Variants in ATRNL1 observed in about 807,000 individuals in gnomAD.
ATRNL1 encodes attractin like 1.
Under a neutral mutation model 182.7 loss-of-function variants are expected in ATRNL1, and 95 were observed. The ratio of observed to expected loss-of-function variants is 0.52; its 90% CI spans 0.44 to 0.62. The LOEUF is 0.62. Ranked by LOEUF, ATRNL1 falls within the 20% of genes least tolerant of loss-of-function variation. ATRNL1 has a pLI of 0.00. For synonymous variants in ATRNL1, 576 were observed against 568.3 expected (o/e 1.01, Z -0.19); for missense variants, 1,471 against 1,679.5 (o/e 0.88, Z 2.17).
chr10:115,331,243 G>T (rs1592464983), intron 18 of ATRNL1, among the ~76,000 whole-genome samples: 1 of 152,064 alleles, frequency 6.6e-6, no homozygotes, highest in African/African-American at 2.4e-5. Flanking sequence ...TGTATTTTTA[G>T]TAGAGATGGG....
chr10:115,093,906 G>T lies in ATRNL1; in HGVS notation c.156G>T (p.Ala52=). 1 of 1,597,748 alleles carries T rather than the reference G, an allele frequency of 6.3e-7. No homozygotes were observed. Among genetic ancestry groups the T allele is most frequent in the South Asian group, 1.1e-5 (1 of 88,856 alleles). ...TGTGCTATGGCTTCCTCTACCTGGC[G>T]CTCTACGCGCAGGTGTCCCAGTCCA... ...WLLCYGFLYL[A]LYAQVSQSKP... The change falls in exon 1 of 29, where the codon GCG becomes GCT. Residue 52 remains alanine, a synonymous_variant. Coordinates refer to ENST00000355044, the MANE Select transcript of ATRNL1 (RefSeq NM_207303.4). The surrounding 1 kb of genome is among the most constrained non-coding windows in gnomAD (Gnocchi z 6.1).
chr10:115,170,333 A>G (rs1434484880), intron 7 of ATRNL1, among the ~76,000 whole-genome samples: 2 of 152,180 alleles, frequency 1.3e-5, no homozygotes, highest in Non-Finnish European at 2.9e-5. Context: ...ATGATAATTT[A>G]CATCATTTAT....
At chr10:115,864,250 G>C (rs1435623736) in intron 28 of ATRNL1, among the ~76,000 whole-genome samples, 2 of 149,668 alleles carry the variant, frequency 1.3e-5, no homozygotes, top group Admixed American at 6.7e-5. Flanking sequence ...CTGGGTAACA[G>C]AGTGAGACCC....
intron 26 of ATRNL1, among the ~76,000 whole-genome samples, chr10:115,686,101 A>G (rs1307393063): frequency 6.6e-6 from 1 of 151,824 alleles, no homozygotes; most frequent in African/African-American, 2.4e-5. Flanking sequence ...TTATCCAATA[A>G]TTGAATAATA....
At chr10:115,565,756 A>G (rs1002953781) in intron 26 of ATRNL1, among the ~76,000 whole-genome samples, 2 of 152,090 alleles carry the variant, frequency 1.3e-5, no homozygotes, top group African/African-American at 4.8e-5. Flanking sequence ...GTCGTTATAT[A>G]TTTTGCAAAT....
intron 28 of ATRNL1, among the ~76,000 whole-genome samples, chr10:115,897,343 G>A (rs1243537483): frequency 6.6e-6 from 1 of 152,036 alleles, no homozygotes; most frequent in Non-Finnish European, 1.5e-5. Context: ...GAGGGAGTGG[G>A]GCAATTTTTA....
intron 27 of ATRNL1, among the ~76,000 whole-genome samples, chr10:115,737,203 A>G (rs1947977818): frequency 1.3e-5 from 2 of 151,136 alleles, no homozygotes; most frequent in Non-Finnish European, 1.5e-5. Flanking sequence ...AGGCAGGAGG[A>G]TTCCTTAAGC....
intron 20 of ATRNL1, among the ~76,000 whole-genome samples, chr10:115,413,534 G>A (rs1362530383): frequency 6.6e-6 from 1 of 151,776 alleles, no homozygotes. Flanking sequence ...ATTTATTATT[G>A]GAATGGACTC....
intron 27 of ATRNL1, among the ~76,000 whole-genome samples, chr10:115,832,663 C>T (rs974156579): frequency 6.6e-6 from 1 of 152,214 alleles, no homozygotes; most frequent in Non-Finnish European, 1.5e-5. Context: ...TCTCCTTGCA[C>T]AGGCAAAGGA....
intron 9 of ATRNL1, among the ~76,000 whole-genome samples, chr10:115,225,038 C>A (rs1427300748): frequency 6.6e-6 from 1 of 151,892 alleles, no homozygotes; most frequent in Non-Finnish European, 1.5e-5. Context: ...GCCAGCATAA[C>A]CTTGATATAA....
At chr10:115,768,178 TAACCTC>T (rs1948902733) in intron 27 of ATRNL1, among the ~76,000 whole-genome samples, 1 of 152,190 alleles carries the variant, frequency 6.6e-6, no homozygotes, top group South Asian at 2.1e-4. Flanking sequence ...CTGAATCTCT[TAACCTC>T]ATGTTTCTTT....
chr10:115,755,529 A>C (rs3095132), intron 27 of ATRNL1, among the ~76,000 whole-genome samples: 144,553 of 152,184 alleles, frequency 0.95, 69,080 homozygotes, highest in East Asian at 1. Flanking sequence ...CAACTTGATC[A>C]TGGTGGATAA....
At chr10:115,176,819 A>G (rs1167499740) in intron 8 of ATRNL1, among the ~76,000 whole-genome samples, 2 of 152,088 alleles carry the variant, frequency 1.3e-5, no homozygotes, top group African/African-American at 2.4e-5. Flanking sequence ...AAAAATTTAT[A>G]TTCTTTTTCT....
chr10:115,537,332 A>G (rs1177080901), intron 25 of ATRNL1, among the ~76,000 whole-genome samples: 1 of 152,122 alleles, frequency 6.6e-6, no homozygotes, highest in East Asian at 1.9e-4. Context: ...TTACACCTCA[A>G]ACTTAACATG....
At chr10:115,934,909 G>A (rs1350217162) in intron 28 of ATRNL1, among the ~76,000 whole-genome samples, 1 of 152,074 alleles carries the variant, frequency 6.6e-6, no homozygotes, top group African/African-American at 2.4e-5. Flanking sequence ...ATGTCCTGAA[G>A]TTTCTCAAAT....
chr10:115,889,562 G>A (rs1365668077), intron 28 of ATRNL1, among the ~76,000 whole-genome samples: 6 of 152,194 alleles, frequency 3.9e-5, no homozygotes, highest in African/African-American at 9.6e-5. Flanking sequence ...TCAGAATAAC[G>A]CCCATGTGCT....
chr10:115,249,259 G>T (rs920330164), intron 10 of ATRNL1, among the ~76,000 whole-genome samples: 16 of 152,104 alleles, frequency 1.1e-4, no homozygotes, highest in Non-Finnish European at 2.2e-4. Context: ...CTCCCAAAGT[G>T]CTGGGATTAC....
intron 26 of ATRNL1, among the ~76,000 whole-genome samples, chr10:115,725,757 A>T (rs2134056248): frequency 6.6e-6 from 1 of 152,280 alleles, no homozygotes; most frequent in African/African-American, 2.4e-5. Context: ...TTGAGATAAC[A>T]TTATGTTTGC....
chr10:115,403,841 T>G (rs2134312527), intron 20 of ATRNL1, among the ~76,000 whole-genome samples: 1 of 152,346 alleles, frequency 6.6e-6, no homozygotes, highest in East Asian at 1.9e-4. Flanking sequence ...TTTGTGATAA[T>G]GAGTTAAGCA....
Sources: allele counts gnomAD v4.1 joint callset (sites outside exome capture counted in the v4.1 genomes callset), GRCh38; gene constraint gnomAD v4.1.1; non-coding constraint Gnocchi (gnomAD v3.1); transcripts MANE v1.5; gene names NCBI Gene and HGNC (gene_info 2026-07-23, HGNC 2026-07-21).